Variants in CSE1L observed in about 807,000 individuals in gnomAD.
The protein encoded by CSE1L is exportin-2.
A neutral mutation model predicts 120.4 loss-of-function variants in CSE1L; 24 were observed. The observed-to-expected ratio is 0.20, with a 90% CI of 0.14 to 0.28. The LOEUF is 0.28. Among genes scored for constraint, CSE1L ranks in the 10% least tolerant of loss-of-function variants. The pLI is 1.00. For synonymous variants in CSE1L, 402 were observed against 398.3 expected, an observed-to-expected ratio of 1.01 and a Z score of -0.11; for missense variants, 830 against 1,145.2, an observed-to-expected ratio of 0.72 and a Z score of 3.97.
At chr20:49,054,283 T>C (rs2091790185) in intron 1 of CSE1L, among the ~76,000 whole-genome samples, 1 of 152,228 alleles carries the variant, frequency 6.6e-6, no homozygotes, top group East Asian at 1.9e-4. Flanking sequence ...TAATTCTCTT[T>C]AGAAGGTTGG....
At chr20:49,054,694 C>T (rs1458973342) in intron 1 of CSE1L, among the ~76,000 whole-genome samples, 2 of 152,142 alleles carry the variant, frequency 1.3e-5, no homozygotes, top group Non-Finnish European at 2.9e-5. Context: ...CATTACCAGC[C>T]CAAAGGTCCT....
intron 8 of CSE1L, among the ~76,000 whole-genome samples, chr20:49,070,884 A>G (rs575180227): frequency 6.6e-6 from 1 of 152,348 alleles, no homozygotes; most frequent in Admixed American, 6.5e-5. Context: ...CAAGGCTGCA[A>G]TGAGCTGTGA....
intron 7 of CSE1L, among the ~76,000 whole-genome samples, chr20:49,069,230 C>T (rs1421587760): frequency 6.6e-6 from 1 of 151,986 alleles, no homozygotes; most frequent in Non-Finnish European, 1.5e-5. Flanking sequence ...TATTGGAAGC[C>T]ATATGAGGGA....
chr20:49,057,494 C>T lies in CSE1L; in HGVS notation c.-11-959C>T, dbSNP rs934280651. On this transcript the variant is annotated intron_variant, in intron 1 of 24. Transcript: ENST00000262982. ...TTTTAAGACAGGTCTTGCTCCATCA[C>T]CCAAGTTGGAGTGCAGTGGCACCAT... 5.5e-5 allele frequency among the ~76,000 whole-genome samples: 8 copies of T among 145,470 alleles called. No individual in the cohort carries two copies. The Admixed American group carries it at 5.5e-4, about 10-fold the overall frequency.
At chr20:49,078,243 C>T (rs367752267) in intron 13 of CSE1L, among the ~76,000 whole-genome samples, 106 of 152,138 alleles carry the variant, frequency 7.0e-4, no homozygotes, top group African/African-American at 2.4e-3. Context: ...AAGCAAATTC[C>T]AGCTAGAGAG....
chr20:49,068,624 A>G, intron 6 of CSE1L, 91 bp from the exon 7 acceptor site: 1 of 818,188 alleles, frequency 1.2e-6, no homozygotes. Flanking sequence ...TAAAATATGA[A>G]TAGTCTCAGC....
intron 1 of CSE1L, among the ~76,000 whole-genome samples, chr20:49,057,606 C>G (rs1034164726): frequency 6.6e-6 from 1 of 151,892 alleles, no homozygotes; most frequent in African/African-American, 2.4e-5. Context: ...GCACCCACTA[C>G]CATGCCTGGC....
At chr20:49,080,252 T>G (rs371771621) in intron 14 of CSE1L, among the ~76,000 whole-genome samples, 13 of 149,670 alleles carry the variant, frequency 8.7e-5, no homozygotes, top group Admixed American at 2.0e-4. Context: ...GGTTGTTTTG[T>G]TTTTTTTTAT....
intron 5 of CSE1L, among the ~76,000 whole-genome samples, 157 bp from the exon 6 acceptor site, chr20:49,067,031 CAA>C (rs60161542): frequency 5.0e-5 from 5 of 100,800 alleles, no homozygotes; most frequent in South Asian, 3.3e-4. Context: ...GACTCCGTCT[CAA>C]AAAAAAAAAA....
chr20:49,091,967 G>A (rs1301460324), intron 21 of CSE1L, 79 bp from the exon 22 acceptor site: 5 of 752,920 alleles, frequency 6.6e-6, no homozygotes, highest in African/African-American at 1.8e-5. Context: ...ATTAAGCATA[G>A]GTTTATTTTG....
rs1288443037 is a variant in CSE1L at position 49,077,012 on chromosome 20, C to G, written c.1368C>G (p.Asn456Lys). The change falls in exon 13 of 25, where the codon AAC (asparagine) becomes AAG (lysine). Residue 456 changes from asparagine to lysine, a missense_variant. Asn to Lys is a moderately conservative substitution (Grantham distance 94). Coordinates refer to ENST00000262982, the MANE Select transcript of CSE1L (RefSeq NM_001316.4). ...TTACACAAGCAAATGAACTTGTAAACCTAACTGAGTTCTTTGTGAATCACA... is the reference window on the plus strand; with the variant it reads ...TTACACAAGCAAATGAACTTGTAAAGCTAACTGAGTTCTTTGTGAATCACA... ...HGITQANELV[N>K]LTEFFVNHIL... The G allele has an allele frequency of 6.2e-7, 1 of 1,606,786 alleles. No homozygotes were observed. Among genetic ancestry groups the G allele is most frequent in the African/African-American group, 1.3e-5 (1 of 74,506 alleles).
At chr20:49,054,418 G>C (rs1019126682) in intron 1 of CSE1L, among the ~76,000 whole-genome samples, 4 of 152,150 alleles carry the variant, frequency 2.6e-5, no homozygotes, top group African/African-American at 9.7e-5. Context: ...TTTCTATTGT[G>C]TTGTGAGTGC....
chr20:49,065,174 TAAAA>T (rs1368525158), intron 3 of CSE1L, among the ~76,000 whole-genome samples: 1 of 149,204 alleles, frequency 6.7e-6, no homozygotes, highest in African/African-American at 2.5e-5. Context: ...AAAAAAAGAA[TAAAA>T]AAAATTGGAA....
chr20:49,077,251 C>T (rs2091976635), intron 13 of CSE1L, among the ~76,000 whole-genome samples, 187 bp downstream of exon 13: 1 of 151,352 alleles, frequency 6.6e-6, no homozygotes, highest in South Asian at 2.1e-4. Flanking sequence ...CTCCTGCCTC[C>T]TGGGTTCAAG....
Position 49,068,928 on chromosome 20 carries a change from G to C in CSE1L, c.675+106G>C, listed in dbSNP as rs138713324. On this transcript the variant is annotated intron_variant, in intron 7 of 24. Coordinates refer to ENST00000262982, the MANE Select transcript of CSE1L (RefSeq NM_001316.4). ...TTTGCCAGCATTGATTTTTCTGAAA[G>C]AAAAGGTTTTTTCTGACTCTATTTA... 4.2e-4 allele frequency: 334 copies of C among 804,784 alleles called. 10 individuals are homozygous for C. In the South Asian group the frequency reaches 4.9e-3, roughly 12 times the overall value. The allele number at this position is 804,784 out of a possible 1,614,324, so 49.9% of individuals were successfully genotyped here.
chr20:49,078,556 T>C lies in CSE1L; in HGVS notation c.1421-5T>C. The C allele has an allele frequency of 6.4e-7, 1 of 1,566,728 alleles. No homozygotes were observed. Among genetic ancestry groups the C allele is most frequent in the African/African-American group, 1.4e-5 (1 of 72,996 alleles). Reference sequence around the variant, plus strand: ...GTAACTGTGGCTTTCTGTTTTTTTATATAGTGAATGAATTTCCTGTCCTTA... The same window carrying C: ...GTAACTGTGGCTTTCTGTTTTTTTACATAGTGAATGAATTTCCTGTCCTTA... On this transcript the variant is annotated splice_region_variant and splice_polypyrimidine_tract_variant and intron_variant, in intron 13 of 24. Coordinates refer to ENST00000262982, the MANE Select transcript of CSE1L (RefSeq NM_001316.4).
chr20:49,089,371 C>T lies in CSE1L; in HGVS notation c.1946C>T (p.Thr649Ile). The change falls in exon 18 of 25, where the codon ACT (threonine) becomes ATT (isoleucine). Residue 649 changes from threonine (T) to isoleucine (I), a missense_variant. Transcript: ENST00000262982. ...NFEEALFLVF[T>I]EILQNDVQEF... ...GAGGAGGCTTTGTTTTTGGTGTTTA[C>T]TGAAATCTTACAAAATGATGTGCAA... 6.2e-7 allele frequency: 1 copy of T among 1,609,370 alleles called. No individual in the cohort carries two copies. Among genetic ancestry groups the T allele is most frequent in the Non-Finnish European group, 8.5e-7 (1 of 1,178,884 alleles).
intron 14 of CSE1L, among the ~76,000 whole-genome samples, chr20:49,079,660 A>T (rs1050896448): frequency 1.3e-5 from 2 of 152,142 alleles, no homozygotes; most frequent in Non-Finnish European, 2.9e-5. Flanking sequence ...ACGCCTGAAT[A>T]TCCCAAAATT....
At position 49,065,617 on chromosome 20, in the gene CSE1L, CAG is replaced by C. The variant is rs2091886723; in HGVS notation, c.229-572_229-571del. Among the ~76,000 whole-genome samples the C allele has an allele frequency of 8.3e-5, 5 of 60,586 alleles. No individual in the cohort carries two copies. The South Asian group carries it at 3.9e-3, about 47-fold the overall frequency. 39.7% of individuals were successfully genotyped at this position (60,586 alleles called of 152,430 possible). On this transcript the variant is annotated intron_variant, in intron 3 of 24. Coordinates refer to ENST00000262982, the MANE Select transcript of CSE1L (RefSeq NM_001316.4). Reference sequence around the variant, plus strand: ...TTTTTTTTTTTTTTTTTTTTTGAGACAGAGTCACTCTTGTTGCCCAGGCTGGA... The same window carrying C: ...TTTTTTTTTTTTTTTTTTTTTGAGACAGTCACTCTTGTTGCCCAGGCTGGA...
Sources: gnomAD v4.1 joint callset for allele counts (sites outside exome capture counted in the v4.1 genomes callset) on GRCh38, gnomAD v4.1.1 for gene constraint, MANE v1.5 for transcripts, NCBI Gene and HGNC (gene_info 2026-07-23, HGNC 2026-07-21) for gene names.